Variants in C12orf42 observed in about 807,000 individuals in gnomAD.
The protein encoded by C12orf42 is chromosome 12 open reading frame 42.
Under a neutral mutation model 21.6 loss-of-function variants are expected in C12orf42, and 25 were observed. That is an observed-to-expected ratio of 1.16 (90% CI 0.84 to 1.62). The LOEUF is 1.62. Among genes scored for constraint, C12orf42 ranks in the 40% most tolerant of loss-of-function variants. C12orf42 has a pLI of 0.00. For synonymous variants in C12orf42, 174 were observed against 175.0 expected (o/e 0.99, Z 0.05); for missense variants, 483 against 459.3 (o/e 1.05, Z -0.47).
the C12orf42 span, among the ~76,000 whole-genome samples, chr12:103,551,390 A>G: frequency 6.6e-6 from 1 of 152,202 alleles, no homozygotes; most frequent in Non-Finnish European, 1.5e-5. Context: ...GGTGGTACAC[A>G]TCTGTAATCC....
chr12:103,388,134 C>T (rs1428730269), intron 3 of C12orf42, among the ~76,000 whole-genome samples: 1 of 152,220 alleles, frequency 6.6e-6, no homozygotes, highest in Non-Finnish European at 1.5e-5. Flanking sequence ...CAGCGTGGAG[C>T]TTTGCAGGAG....
the C12orf42 span, among the ~76,000 whole-genome samples, chr12:103,205,297 G>A: frequency 7.1e-3 from 1,069 of 150,872 alleles, 4 homozygotes; most frequent in Non-Finnish European, 0.012. Flanking sequence ...ATAAAGGAAA[G>A]AGTTTTAGTG....
chr12:103,441,155 C>T (rs1320174608), intron 2 of C12orf42, among the ~76,000 whole-genome samples: 1 of 152,102 alleles, frequency 6.6e-6, no homozygotes, highest in South Asian at 2.1e-4. Flanking sequence ...ATTATATTTT[C>T]CAAACAGCCC....
chr12:103,097,354 A>G, the C12orf42 span, among the ~76,000 whole-genome samples: 1 of 152,264 alleles, frequency 6.6e-6, no homozygotes, highest in Non-Finnish European at 1.5e-5. Context: ...CATCTGATTA[A>G]GTAGACAAAG....
the C12orf42 span, among the ~76,000 whole-genome samples, chr12:103,512,882 A>T: frequency 6.6e-6 from 1 of 152,030 alleles, no homozygotes; most frequent in African/African-American, 2.4e-5. Context: ...GGTGCCTGTA[A>T]TCCCAGCTAC....
intron 4 of C12orf42, among the ~76,000 whole-genome samples, chr12:103,280,794 A>G (rs946292472): frequency 2.0e-5 from 3 of 152,240 alleles, no homozygotes; most frequent in African/African-American, 4.8e-5. Context: ...ACACGAACCT[A>G]TGGATTAGAG....
intron 4 of C12orf42, among the ~76,000 whole-genome samples, chr12:103,340,981 C>T (rs779436926): frequency 1.8e-4 from 27 of 151,700 alleles, no homozygotes; most frequent in African/African-American, 3.9e-4. Context: ...GACATGGTGG[C>T]GAGTACCTGT....
At chr12:103,084,366 A>C in the C12orf42 span, among the ~76,000 whole-genome samples, 1 of 152,204 alleles carries the variant, frequency 6.6e-6, no homozygotes, top group Non-Finnish European at 1.5e-5. Flanking sequence ...GACTGCTGGC[A>C]AAATTTATTA....
intron 4 of C12orf42, among the ~76,000 whole-genome samples, chr12:103,288,006 C>T (rs550414399): frequency 6.6e-6 from 1 of 152,284 alleles, no homozygotes; most frequent in Non-Finnish European, 1.5e-5. Context: ...TCCCTGATGA[C>T]CAAACAGCGA....
chr12:103,471,980 T>G (rs1442475312), intron 2 of C12orf42: 1 of 151,522 alleles, frequency 6.6e-6, no homozygotes, highest in Non-Finnish European at 1.5e-5. Context: ...ACCTCAAAAC[T>G]CTTTTCTTCT....
intron 5 of C12orf42, among the ~76,000 whole-genome samples, chr12:103,305,447 A>C (rs946214091): frequency 8.5e-5 from 13 of 152,166 alleles, no homozygotes; most frequent in African/African-American, 3.1e-4. Flanking sequence ...CTGCAAAAAC[A>C]TTTTTGAGAC....
intron 2 of C12orf42, among the ~76,000 whole-genome samples, chr12:103,430,757 T>A (rs1950205718): frequency 1.3e-5 from 2 of 152,186 alleles, no homozygotes; most frequent in African/African-American, 2.4e-5. Flanking sequence ...ATGTGGTACA[T>A]ATACACCATG....
At chr12:103,294,434 G>GAAAGAA (rs1555245897) in intron 4 of C12orf42, among the ~76,000 whole-genome samples, 1 of 95,718 alleles carries the variant, frequency 1.0e-5, no homozygotes, top group Non-Finnish European at 1.9e-5. Flanking sequence ...GAGAGAGAAA[G>GAAAGAA]AAAGAAAGAA....
the C12orf42 span, among the ~76,000 whole-genome samples, chr12:103,146,005 G>A: frequency 6.6e-6 from 1 of 152,002 alleles, no homozygotes; most frequent in Non-Finnish European, 1.5e-5. Flanking sequence ...AACCATCTGG[G>A]AGGTTATACA....
the C12orf42 span, among the ~76,000 whole-genome samples, chr12:103,128,575 G>T: frequency 7.2e-5 from 11 of 152,194 alleles, no homozygotes; most frequent in African/African-American, 2.7e-4. Flanking sequence ...CTGGACAAAT[G>T]CATGAAGTTT....
At chr12:103,465,938 G>T (rs1272774962) in intron 2 of C12orf42, among the ~76,000 whole-genome samples, 3 of 152,170 alleles carry the variant, frequency 2.0e-5, no homozygotes, top group Non-Finnish European at 4.4e-5. Context: ...TGCATCCTGG[G>T]GATGAAGCCC....
At chr12:103,202,270 T>C in the C12orf42 span, among the ~76,000 whole-genome samples, 1 of 152,282 alleles carries the variant, frequency 6.6e-6, no homozygotes, top group East Asian at 1.9e-4. Flanking sequence ...TTGGATCTGT[T>C]TACATACTTC....
chr12:103,495,339 A>C (rs983942630), intron 1 of C12orf42, among the ~76,000 whole-genome samples: 9 of 152,142 alleles, frequency 5.9e-5, no homozygotes, highest in Admixed American at 3.3e-4. Flanking sequence ...GCATTCAGTA[A>C]AATGAGGTGA....
At chr12:103,476,359 A>T (rs1024868062) in intron 2 of C12orf42, among the ~76,000 whole-genome samples, 2 of 152,232 alleles carry the variant, frequency 1.3e-5, no homozygotes, top group Admixed American at 1.3e-4. Flanking sequence ...GACCACAAGC[A>T]GCTCCAGGCT....
Sources: gnomAD v4.1 joint callset for allele counts (sites outside exome capture counted in the v4.1 genomes callset) on GRCh38, gnomAD v4.1.1 for gene constraint, MANE v1.5 for transcripts, NCBI Gene and HGNC (gene_info 2026-07-23, HGNC 2026-07-21) for gene names.